Variants in NOL10 observed in about 807,000 individuals in gnomAD.
The protein encoded by NOL10 is nucleolar protein 10, also known as H_NH0074G24.1.
Under a neutral mutation model 103.5 loss-of-function variants are expected in NOL10, and 58 were observed. The observed-to-expected ratio is 0.56, with a 90% CI of 0.45 to 0.70. NOL10 has a LOEUF of 0.70. Ranked by LOEUF, NOL10 falls within the 30% of genes least tolerant of loss-of-function variation. The pLI is 0.00. For missense variants in NOL10, 763 were observed against 807.3 expected (o/e 0.95, Z 0.67); for synonymous variants, 287 against 282.5 (o/e 1.02, Z -0.16).
intron 19 of NOL10, among the ~76,000 whole-genome samples, chr2:10,588,224 G>A (rs1164693474): frequency 6.6e-6 from 1 of 152,110 alleles, no homozygotes; most frequent in Non-Finnish European, 1.5e-5. Flanking sequence ...TGGAAGGGTG[G>A]TAAATATTTA....
chr2:10,604,096 G>A (rs1384911646), intron 14 of NOL10, among the ~76,000 whole-genome samples: 1 of 152,202 alleles, frequency 6.6e-6, no homozygotes, highest in Admixed American at 6.5e-5. Flanking sequence ...CGCATGTGCA[G>A]TTCACACTAG....
At chr2:10,583,490 CTGAATG>C (rs1485591200) in intron 19 of NOL10, among the ~76,000 whole-genome samples, 1 of 152,214 alleles carries the variant, frequency 6.6e-6, no homozygotes, top group East Asian at 1.9e-4. Context: ...CATTGGTTTA[CTGAATG>C]TGACACAGAA....
chr2:10,586,723 C>T (rs1675039045), intron 19 of NOL10, among the ~76,000 whole-genome samples: 1 of 152,246 alleles, frequency 6.6e-6, no homozygotes, highest in South Asian at 2.1e-4. Flanking sequence ...AAGACCTTTA[C>T]AATGATCCTC....
chr2:10,615,423 T>C (rs1242099072), intron 13 of NOL10, among the ~76,000 whole-genome samples: 1 of 152,128 alleles, frequency 6.6e-6, no homozygotes, highest in Non-Finnish European at 1.5e-5. Flanking sequence ...TTTGTGACAC[T>C]ATGAGTAGAG....
At chr2:10,679,071 T>A (rs1681533364) in intron 3 of NOL10, among the ~76,000 whole-genome samples, 1 of 151,870 alleles carries the variant, frequency 6.6e-6, no homozygotes, top group Admixed American at 6.6e-5. Context: ...TAAAAAATAT[T>A]TTTTTTGGCC....
At chr2:10,575,042 G>T (rs1383890960) in intron 20 of NOL10, among the ~76,000 whole-genome samples, 8 of 152,238 alleles carry the variant, frequency 5.3e-5, no homozygotes, top group Admixed American at 1.3e-4. Context: ...TGGGCCATTA[G>T]CGCTTCTCCT....
intron 19 of NOL10, among the ~76,000 whole-genome samples, chr2:10,587,417 C>T (rs1260806330): frequency 2.7e-5 from 4 of 149,712 alleles, no homozygotes; most frequent in South Asian, 2.1e-4. Context: ...ACTACAGGCA[C>T]GTGCCGCCAC....
intron 13 of NOL10, among the ~76,000 whole-genome samples, chr2:10,622,347 G>C (rs1449992629): frequency 6.6e-6 from 1 of 152,158 alleles, no homozygotes; most frequent in Non-Finnish European, 1.5e-5. Context: ...ATGCCACGCT[G>C]TGTGTGTCAT....
chr2:10,589,776 A>C, intron 17 of NOL10, 25 bp from the exon 18 acceptor site: 1 of 1,391,400 alleles, frequency 7.2e-7, no homozygotes, highest in Non-Finnish European at 9.5e-7. Context: ...AAGTACGTAA[A>C]AATTTAAGTT....
intron 12 of NOL10, among the ~76,000 whole-genome samples, chr2:10,647,085 T>G (rs914490092): frequency 1.3e-5 from 2 of 152,204 alleles, no homozygotes; most frequent in Non-Finnish European, 2.9e-5. Context: ...TTTAATGTAG[T>G]TTATCCACAA....
intron 12 of NOL10, among the ~76,000 whole-genome samples, chr2:10,646,940 G>A (rs891029698): frequency 7.9e-5 from 12 of 152,306 alleles, no homozygotes; most frequent in Admixed American, 5.2e-4. Flanking sequence ...AAAGATAACC[G>A]TAAGTACAGT....
At chr2:10,631,742 T>C (rs369617766) in intron 13 of NOL10, among the ~76,000 whole-genome samples, 1 of 151,474 alleles carries the variant, frequency 6.6e-6, no homozygotes, top group African/African-American at 2.4e-5. Flanking sequence ...TTAGATGGAG[T>C]TTCGCTCGTT....
intron 13 of NOL10, among the ~76,000 whole-genome samples, chr2:10,629,498 T>A (rs1358223853): frequency 1.3e-5 from 2 of 152,218 alleles, no homozygotes; most frequent in African/African-American, 4.8e-5. Context: ...AAAATGTTAA[T>A]GTTTGTCTTT....
Position 10,587,202 on chromosome 2 carries a change from TAC to T in NOL10, c.1844+1839_1844+1840del, listed in dbSNP as rs368539758. On this transcript the variant is annotated intron_variant, in intron 19 of 20. Transcript: ENST00000381685. ...ATACACATATATATACACATATATA[TAC>T]ACATATATATATACATATATATACA... Among the ~76,000 whole-genome samples, 13 of 29,554 alleles carry T rather than the reference TAC, an allele frequency of 4.4e-4. 1 individual carries two copies. Among genetic ancestry groups the T allele is most frequent in the Non-Finnish European group, 7.5e-4 (11 of 14,604 alleles). The allele number at this position is 29,554 out of a possible 152,430, so 19.4% of individuals were successfully genotyped here.
intron 9 of NOL10, among the ~76,000 whole-genome samples, chr2:10,659,455 T>G (rs1454589180): frequency 2.6e-5 from 4 of 151,416 alleles, no homozygotes; most frequent in Non-Finnish European, 1.5e-5. Context: ...GGTGGGAGGA[T>G]TTCTTGAGGC....
chr2:10,671,740 T>G, intron 5 of NOL10, 50 bp from the exon 6 acceptor site: 1 of 1,403,736 alleles, frequency 7.1e-7, no homozygotes, highest in Non-Finnish European at 9.7e-7. Context: ...AGTTAGGTGT[T>G]TACTTCATTA....
At chr2:10,623,083 TAC>T (rs149439297) in intron 13 of NOL10, among the ~76,000 whole-genome samples, 5,016 of 152,158 alleles carry the variant, frequency 0.033, 285 homozygotes, top group African/African-American at 0.12. Flanking sequence ...TCTAATCAAT[TAC>T]AGTGTGTCCT....
At chr2:10,652,589 T>C (rs925197605) in intron 12 of NOL10, among the ~76,000 whole-genome samples, 4 of 152,158 alleles carry the variant, frequency 2.6e-5, no homozygotes, top group African/African-American at 9.7e-5. Context: ...ACTGAATCTC[T>C]TCCATACTTC....
At chr2:10,572,612 T>C (rs535568226) in intron 20 of NOL10, among the ~76,000 whole-genome samples, 34 of 152,210 alleles carry the variant, frequency 2.2e-4, no homozygotes, top group Non-Finnish European at 4.0e-4. Flanking sequence ...GTTTACAAAC[T>C]AGAGCCATTA....
Sources: allele counts gnomAD v4.1 joint callset (sites outside exome capture counted in the v4.1 genomes callset), GRCh38; gene constraint gnomAD v4.1.1; transcripts MANE v1.5; gene names NCBI Gene and HGNC (gene_info 2026-07-23, HGNC 2026-07-21).